The following VPS13D variants were observed in gnomAD, a reference collection of about 807,000 sequenced individuals.
VPS13D encodes the protein vacuolar protein sorting 13 homolog D, also known as intermembrane lipid transfer protein VPS13D.
In VPS13D, 187 loss-of-function variants were observed where a neutral mutation model predicts 461.9. The observed-to-expected ratio is 0.40, with a 90% CI of 0.36 to 0.46. VPS13D has a LOEUF of 0.46. VPS13D is among the 20% of genes least tolerant of loss of function. The probability of loss-of-function intolerance (pLI) is 0.60; values close to 1 mark genes in which losing one functional copy is unlikely to be tolerated. For synonymous variants in VPS13D, 1,951 were observed against 1,986.3 expected (o/e 0.98, Z 0.47); for missense variants, 4,711 against 5,364.9 (o/e 0.88, Z 3.81).
At position 12,279,535 on chromosome 1, in the gene VPS13D, A is replaced by C; in HGVS notation, c.4487A>C (p.Lys1496Thr). 4 of 1,608,928 alleles carry C rather than the reference A, an allele frequency of 2.5e-6. No individual in the cohort carries two copies. Among genetic ancestry groups the C allele is most frequent in the Middle Eastern group, 1.7e-4 (1 of 6,028 alleles). Reference protein sequence around the residue: ...HILNNTTIQFKLEKIPIERES... With the variant: ...HILNNTTIQFTLEKIPIERES... ...CTGAACAACACCACCATTCAGTTTA[A>C]ACTGGAGAAGATCCCTATAGAGAGA... The change falls in exon 20 of 70, where the codon AAA becomes ACA. Residue 1496 changes from lysine (K) to threonine (T), a missense_variant. Lys to Thr is a moderately conservative substitution (Grantham distance 78, BLOSUM62 -1). Coordinates refer to ENST00000620676, the MANE Select transcript of VPS13D (RefSeq NM_015378.4). The surrounding 1 kb of genome is among the most constrained non-coding windows in gnomAD (Gnocchi z 4.3).
At chr1:12,317,731 T>C (rs955538864) in intron 30 of VPS13D, among the ~76,000 whole-genome samples, 32 of 151,914 alleles carry the variant, frequency 2.1e-4, no homozygotes, top group Non-Finnish European at 4.0e-4. Flanking sequence ...GGCAACAGAG[T>C]GTGACCCTGT....
intron 25 of VPS13D, among the ~76,000 whole-genome samples, chr1:12,300,207 C>CTTTTTTT (rs35299447): frequency 4.1e-5 from 5 of 123,346 alleles, no homozygotes; most frequent in Non-Finnish European, 3.2e-5. Flanking sequence ...ATTTGCTTTG[C>CTTTTTTT]TTTTTTTTTT....
intron 55 of VPS13D, among the ~76,000 whole-genome samples, chr1:12,376,998 A>G (rs1364079994): frequency 6.6e-6 from 1 of 151,862 alleles, no homozygotes; most frequent in African/African-American, 2.4e-5. Context: ...TTCCTCATCT[A>G]TGAGGAGGGA....
rs1318088623 is a variant in VPS13D at position 12,348,983 on chromosome 1, G to A, written c.9220+10G>A. The A allele has an allele frequency of 6.2e-7, 1 of 1,614,122 alleles. No homozygotes were observed. Among genetic ancestry groups the A allele is most frequent in the Non-Finnish European group, 8.5e-7 (1 of 1,180,022 alleles). On this transcript the variant is annotated intron_variant, in intron 45 of 69. Coordinates refer to ENST00000620676, the MANE Select transcript of VPS13D (RefSeq NM_015378.4). ...CCATCAGCTCCAGACAGTATGTTTT[G>A]ATTGTCTAGCATATAGTAAATGCTG...
intron 67 of VPS13D, among the ~76,000 whole-genome samples, chr1:12,487,084 C>T (rs955056917): frequency 1.3e-5 from 2 of 152,138 alleles, no homozygotes; most frequent in African/African-American, 4.8e-5. Flanking sequence ...CCCTCTACCA[C>T]CTGAAGTCTA....
At chr1:12,442,743 G>A (rs1253097513) in intron 65 of VPS13D, among the ~76,000 whole-genome samples, 3 of 152,044 alleles carry the variant, frequency 2.0e-5, no homozygotes, top group African/African-American at 7.2e-5. Context: ...GACTACAGGT[G>A]CATGCCACCA....
chr1:12,373,609 T>G (rs1644156133), intron 54 of VPS13D, 141 bp from the exon 55 acceptor site: 1 of 336,460 alleles, frequency 3.0e-6, no homozygotes, highest in African/African-American at 2.2e-5. Flanking sequence ...GCATCAGACT[T>G]TTTCTTCTAT....
At chr1:12,365,677 C>T (rs1450975372) in intron 52 of VPS13D, among the ~76,000 whole-genome samples, 1 of 149,416 alleles carries the variant, frequency 6.7e-6, no homozygotes, top group Admixed American at 6.8e-5. Context: ...GCACTCTAGC[C>T]TGGGTGACAG....
chr1:12,268,497 G>T (rs1641342132), intron 15 of VPS13D, among the ~76,000 whole-genome samples: 1 of 151,968 alleles, frequency 6.6e-6, no homozygotes, highest in Non-Finnish European at 1.5e-5. Flanking sequence ...TGATATGGGA[G>T]CTAATACAAC....
At chr1:12,265,394 C>T (rs1199072485) in intron 13 of VPS13D, among the ~76,000 whole-genome samples, 1 of 152,124 alleles carries the variant, frequency 6.6e-6, no homozygotes, top group Non-Finnish European at 1.5e-5. Flanking sequence ...CTGCTTCAGC[C>T]CCCAAAGTGC....
At chr1:12,332,314 A>C (rs1197882459) in intron 37 of VPS13D, among the ~76,000 whole-genome samples, 2 of 152,258 alleles carry the variant, frequency 1.3e-5, no homozygotes, top group African/African-American at 4.8e-5. Flanking sequence ...GTCTTTCAGA[A>C]GTAGAATGGA....
chr1:12,276,146 A>T lies in VPS13D; in HGVS notation c.2558A>T (p.Asn853Ile), dbSNP rs1641604667. ...CCAACACATGTGGTAGAGAAGTTCA[A>T]CGTTCACCTACAGTTAGAGCGTCGA... ...VGPTHVVEKF[N>I]VHLQLERRLI... The change falls in exon 19 of 70, where the codon AAC (asparagine) becomes ATC (isoleucine). Residue 853 changes from asparagine to isoleucine, a missense_variant. Physicochemically the swap from Asn to Ile is moderately radical, Grantham distance 149. This residue lies in a region of VPS13D where 4,411 missense variants were observed against 4,937.8 expected (regional missense o/e 0.89). Transcript: ENST00000620676. The surrounding 1 kb of genome is among the most constrained non-coding windows in gnomAD (Gnocchi z 4.5). 1.2e-6 allele frequency: 2 copies of T among 1,614,162 alleles called. No homozygotes were observed. The highest frequency in any genetic ancestry group is 1.7e-6 in the Non-Finnish European group (2 of 1,180,022).
chr1:12,335,190 CT>C (rs1643420629), intron 38 of VPS13D, among the ~76,000 whole-genome samples: 1 of 152,206 alleles, frequency 6.6e-6, no homozygotes, highest in Admixed American at 6.5e-5. Context: ...CCTCAGCCTA[CT>C]GAGTAGCTGG....
In VPS13D at chr1:12,291,074, A is replaced by C. The variant is rs150402706; in HGVS notation, c.5802A>C (p.Arg1934Ser). 1.2e-5 allele frequency: 20 copies of C among 1,613,956 alleles called. No individual in the cohort carries two copies. The African/African-American group carries it at 2.5e-4, about 20-fold the overall frequency. ...TCACATGCCATGGAGAGTTCTACAGAGAACGGTTCACTACCAGTGGTGAAG... is the reference window on the plus strand; with the variant it reads ...TCACATGCCATGGAGAGTTCTACAGCGAACGGTTCACTACCAGTGGTGAAG... ...SDLTCHGEFY[R>S]ERFTTSGEEA... The change falls in exon 23 of 70, where the codon AGA becomes AGC. Residue 1934 changes from arginine to serine, a missense_variant. Transcript: ENST00000620676.
chr1:12,506,780 C>T, intron 68 of VPS13D, 73 bp from the exon 69 acceptor site: 6 of 1,560,654 alleles, frequency 3.8e-6, no homozygotes, highest in Non-Finnish European at 4.3e-6. Context: ...GGCCACAGAG[C>T]CCGCAGTGGG....
rs200252867 is a variant in VPS13D at position 12,279,537 on chromosome 1, C to T, written c.4489C>T (p.Leu1497=). The change falls in exon 20 of 70, where the codon CTG becomes TTG. Residue 1497 remains leucine (L), a synonymous_variant. Coordinates refer to ENST00000620676, the MANE Select transcript of VPS13D (RefSeq NM_015378.4). This position sits in a 1 kb window ranked among gnomAD's most constrained non-coding sequence, Gnocchi z 4.3. ...GAACAACACCACCATTCAGTTTAAA[C>T]TGGAGAAGATCCCTATAGAGAGAGA... ...ILNNTTIQFK[L]EKIPIERESE... The T allele has an allele frequency of 1.6e-5, 26 of 1,608,948 alleles. No individual in the cohort carries two copies. The highest frequency in any genetic ancestry group is 6.7e-5 in the Admixed American group (4 of 59,964).
At chr1:12,427,745 G>A (rs1233896242) in intron 65 of VPS13D, among the ~76,000 whole-genome samples, 1 of 152,110 alleles carries the variant, frequency 6.6e-6, no homozygotes, top group Non-Finnish European at 1.5e-5. Flanking sequence ...GTTCCCAATG[G>A]ATACTGAGGG....
chr1:12,428,398 T>C (rs1431444329), intron 65 of VPS13D, among the ~76,000 whole-genome samples: 1 of 152,218 alleles, frequency 6.6e-6, no homozygotes, highest in Non-Finnish European at 1.5e-5. Context: ...CCAGTGCCAT[T>C]CCTAAGAACA....
In VPS13D at chr1:12,260,170, C is replaced by T. The variant is rs1019818216; in HGVS notation, c.1111-523C>T. On this transcript the variant is annotated intron_variant, in intron 10 of 69. Coordinates refer to ENST00000620676, the MANE Select transcript of VPS13D (RefSeq NM_015378.4). ...CCTCCTGAGTAGCTGGGACTACAGGCGCCTGCCACCACGCCTGGCTAATTT... is the reference window on the plus strand; with the variant it reads ...CCTCCTGAGTAGCTGGGACTACAGGTGCCTGCCACCACGCCTGGCTAATTT... Among the ~76,000 whole-genome samples, 57 of 151,806 alleles carry T rather than the reference C, an allele frequency of 3.8e-4. 1 individual carries two copies. The highest frequency in any genetic ancestry group is 1.3e-3 in the African/African-American group (53 of 41,268).
Sources: allele counts gnomAD v4.1 joint callset (sites outside exome capture counted in the v4.1 genomes callset), GRCh38; gene constraint gnomAD v4.1.1; regional missense constraint gnomAD v4.1.1; non-coding constraint Gnocchi (gnomAD v3.1); transcripts MANE v1.5; gene names NCBI Gene and HGNC (gene_info 2026-07-23, HGNC 2026-07-21).